GPM6A: variants seen among roughly 807,000 people sequenced by gnomAD.
GPM6A encodes the protein glycoprotein M6A, also known as neuronal membrane glycoprotein M6-a.
In GPM6A, 7 loss-of-function variants were observed where a neutral mutation model predicts 32.1. The observed-to-expected ratio is 0.22, with a 90% CI of 0.12 to 0.41. GPM6A has a LOEUF of 0.41. GPM6A is among the 10% of genes least tolerant of loss of function. The pLI is 1.00. For synonymous variants in GPM6A, 130 were observed against 123.4 expected, an observed-to-expected ratio of 1.05 and a Z score of -0.35; for missense variants, 235 against 347.2, an observed-to-expected ratio of 0.68 and a Z score of 2.57.
At chr4:175,685,972 A>G (rs73020140) in intron 2 of GPM6A, among the ~76,000 whole-genome samples, 7,549 of 152,142 alleles carry the variant, frequency 0.05, 211 homozygotes, top group Non-Finnish European at 0.063. Flanking sequence ...TTTCAGGAAT[A>G]GGCTTAGAAA....
At chr4:175,852,861 G>C (rs947551475) in intron 1 of GPM6A, among the ~76,000 whole-genome samples, 2 of 152,100 alleles carry the variant, frequency 1.3e-5, no homozygotes, top group Non-Finnish European at 2.9e-5. Flanking sequence ...CATCCTTACA[G>C]CAATATGTAA....
At chr4:175,997,864 A>G (rs1023860055) in intron 1 of GPM6A, among the ~76,000 whole-genome samples, 3 of 152,178 alleles carry the variant, frequency 2.0e-5, no homozygotes, top group Non-Finnish European at 4.4e-5. Context: ...GGAATGTTTA[A>G]GTTGTCACAT....
chr4:175,897,254 G>A (rs1231542813), intron 1 of GPM6A, among the ~76,000 whole-genome samples: 4 of 152,098 alleles, frequency 2.6e-5, no homozygotes, highest in African/African-American at 7.2e-5. Flanking sequence ...TACATTGGAA[G>A]CTAGAGCCTC....
chr4:175,817,902 G>A (rs1002157564), intron 1 of GPM6A, among the ~76,000 whole-genome samples: 7 of 152,094 alleles, frequency 4.6e-5, no homozygotes, highest in Non-Finnish European at 7.4e-5. Context: ...AGAAGAAGAC[G>A]CTCCTAAGAC....
At chr4:175,897,191 G>A (rs1737821218) in intron 1 of GPM6A, among the ~76,000 whole-genome samples, 1 of 152,160 alleles carries the variant, frequency 6.6e-6, no homozygotes, top group Admixed American at 6.5e-5. Flanking sequence ...GAGGGAGGAG[G>A]TGATGCTTGT....
At chr4:175,896,684 G>A in intron 1 of GPM6A, among the ~76,000 whole-genome samples, 1 of 152,098 alleles carries the variant, frequency 6.6e-6, no homozygotes, top group East Asian at 1.9e-4. Flanking sequence ...CCATTAGATA[G>A]GCACCACAGG....
At chr4:175,957,327 T>C (rs906721955) in intron 1 of GPM6A, among the ~76,000 whole-genome samples, 1 of 152,174 alleles carries the variant, frequency 6.6e-6, no homozygotes, top group Non-Finnish European at 1.5e-5. Context: ...ACGACAAGGG[T>C]ACCTGCTCTC....
chr4:175,683,385 G>A (rs1045792849), intron 2 of GPM6A, among the ~76,000 whole-genome samples: 1 of 152,092 alleles, frequency 6.6e-6, no homozygotes, highest in Non-Finnish European at 1.5e-5. Flanking sequence ...TCTAAGATGA[G>A]ACTTTGGACT....
At chr4:175,738,352 T>C (rs1731748218) in intron 1 of GPM6A, among the ~76,000 whole-genome samples, 1 of 152,140 alleles carries the variant, frequency 6.6e-6, no homozygotes, top group Non-Finnish European at 1.5e-5. Flanking sequence ...CACTGCTCAT[T>C]GTGGCCAATC....
chr4:175,942,356 G>T (rs1472105072), intron 1 of GPM6A, among the ~76,000 whole-genome samples: 1 of 152,020 alleles, frequency 6.6e-6, no homozygotes, highest in Non-Finnish European at 1.5e-5. Flanking sequence ...AGTTTCTTTT[G>T]CTGTGCAGAA....
In GPM6A at chr4:175,730,606, G is replaced by A. The variant is rs554775818; in HGVS notation, c.38-28839C>T. 1.4e-4 allele frequency among the ~76,000 whole-genome samples: 21 copies of A among 152,090 alleles called. No homozygotes were observed. In the East Asian group the frequency reaches 3.7e-3, roughly 27 times the overall value. ...CTGCCTCAGCCTCCTGAGTAGGTGGGACTACAGGCGCCCGCCACCACGCGC... is the reference window on the plus strand; with the variant it reads ...CTGCCTCAGCCTCCTGAGTAGGTGGAACTACAGGCGCCCGCCACCACGCGC... On this transcript the variant is annotated intron_variant, in intron 1 of 6. Coordinates refer to ENST00000393658, the MANE Select transcript of GPM6A (RefSeq NM_201591.3).
chr4:175,969,721 A>G (rs1740442285), intron 1 of GPM6A, among the ~76,000 whole-genome samples: 2 of 152,148 alleles, frequency 1.3e-5, no homozygotes. Flanking sequence ...AATAATAAGA[A>G]TAATAACAAC....
intron 1 of GPM6A, among the ~76,000 whole-genome samples, chr4:175,763,111 G>C (rs1732816094): frequency 6.6e-6 from 1 of 152,098 alleles, no homozygotes; most frequent in Non-Finnish European, 1.5e-5. Context: ...GATGCTGCTA[G>C]TTTTTTCATT....
chr4:175,817,901 C>T (rs554466337), intron 1 of GPM6A, among the ~76,000 whole-genome samples: 15 of 152,238 alleles, frequency 9.9e-5, no homozygotes, highest in African/African-American at 2.2e-4. Flanking sequence ...AAGAAGAAGA[C>T]GCTCCTAAGA....
At chr4:175,672,030 C>T (rs1466973487) in intron 3 of GPM6A, among the ~76,000 whole-genome samples, 5 of 150,402 alleles carry the variant, frequency 3.3e-5, no homozygotes, top group African/African-American at 9.7e-5. Flanking sequence ...TGTTTTGCTT[C>T]GAAAATTCCT....
At chr4:175,893,810 T>A (rs1477302621) in intron 1 of GPM6A, among the ~76,000 whole-genome samples, 2 of 152,182 alleles carry the variant, frequency 1.3e-5, no homozygotes, top group Non-Finnish European at 2.9e-5. Flanking sequence ...TCTAGGAATG[T>A]GTAGTCTAAG....
intron 1 of GPM6A, among the ~76,000 whole-genome samples, chr4:175,986,891 A>C (rs1291901703): frequency 1.3e-5 from 2 of 152,192 alleles, no homozygotes; most frequent in African/African-American, 4.8e-5. Context: ...AATTCATTGA[A>C]TACCTCATGC....
intron 1 of GPM6A, among the ~76,000 whole-genome samples, chr4:175,757,883 T>C (rs1331434937): frequency 6.6e-6 from 1 of 152,170 alleles, no homozygotes; most frequent in Non-Finnish European, 1.5e-5. Context: ...GATAATAACA[T>C]GTTTGAACAG....
At chr4:175,909,107 T>C (rs910631328) in intron 1 of GPM6A, among the ~76,000 whole-genome samples, 1 of 147,394 alleles carries the variant, frequency 6.8e-6, no homozygotes, top group African/African-American at 2.5e-5. Context: ...AAATAGTAAC[T>C]GAAAGAAAAA....
Sources: gnomAD v4.1 joint callset for allele counts (sites outside exome capture counted in the v4.1 genomes callset) on GRCh38, gnomAD v4.1.1 for gene constraint, MANE v1.5 for transcripts, NCBI Gene and HGNC (gene_info 2026-07-23, HGNC 2026-07-21) for gene names.